RIMS2: variants seen among roughly 807,000 people sequenced by gnomAD.
RIMS2 encodes regulating synaptic membrane exocytosis 2.
A neutral mutation model predicts 174.4 loss-of-function variants in RIMS2; 59 were observed. The ratio of observed to expected loss-of-function variants is 0.34; its 90% CI spans 0.27 to 0.42. The LOEUF (loss-of-function observed/expected upper bound fraction) is 0.42. RIMS2 is among the 10% of genes least tolerant of loss of function. The probability of loss-of-function intolerance (pLI) is 1.00; values close to 1 mark genes in which losing one functional copy is unlikely to be tolerated. For synonymous variants in RIMS2, 606 were observed against 572.5 expected (o/e 1.06, Z -0.84); for missense variants, 1,620 against 1,666.3 (o/e 0.97, Z 0.48).
chr8:103,608,032 C>T lies in RIMS2; in HGVS notation c.177-89054C>T, dbSNP rs868149616. Among the ~76,000 whole-genome samples the T allele has an allele frequency of 6.7e-5, 10 of 148,238 alleles. 1 individual carries two copies. Among genetic ancestry groups the T allele is most frequent in the East Asian group, 1.9e-4 (1 of 5,192 alleles). On this transcript the variant is annotated intron_variant, in intron 1 of 23. Transcript: ENST00000504942. ...AGTCATTCTCCATCCAGCTTTGTTC[C>T]GTTGCTGGTGAGGAACTGCATTCCT...
intron 19 of RIMS2, among the ~76,000 whole-genome samples, chr8:104,077,484 A>T (rs1320481827): frequency 4.0e-5 from 6 of 151,678 alleles, no homozygotes; most frequent in African/African-American, 1.5e-4. Flanking sequence ...TTGCAAATCT[A>T]TTCAAATTTT....
intron 19 of RIMS2, among the ~76,000 whole-genome samples, chr8:104,155,659 C>T (rs1467850334): frequency 3.3e-5 from 5 of 151,744 alleles, no homozygotes; most frequent in South Asian, 2.1e-4. Context: ...GTGATCCACC[C>T]GCCTCGGCCT....
chr8:103,619,093 G>GAA lies in RIMS2; in HGVS notation c.177-77976_177-77975dup, dbSNP rs56210078. ...TGAGTCAATAACTTCACTTTTTGCTGAAAAAAAAAAAAAAAAAACCAATAT... is the reference window on the plus strand; with the variant it reads ...TGAGTCAATAACTTCACTTTTTGCTGAAAAAAAAAAAAAAAAAAAACCAATAT... On this transcript the variant is annotated intron_variant, in intron 1 of 23. Transcript: ENST00000504942. Among the ~76,000 whole-genome samples the GAA allele has an allele frequency of 1.5e-3, 157 of 107,160 alleles. 1 individual carries two copies. Among genetic ancestry groups the GAA allele is most frequent in the Middle Eastern group, 5.5e-3 (1 of 182 alleles). The allele number at this position is 107,160 out of a possible 152,430, so 70.3% of individuals were successfully genotyped here. A position where few individuals can be genotyped will look rare whatever the true frequency, so the allele number is the denominator to read the frequency against.
At chr8:104,136,963 A>T (rs778455471) in intron 19 of RIMS2, among the ~76,000 whole-genome samples, 1 of 152,196 alleles carries the variant, frequency 6.6e-6, no homozygotes, top group East Asian at 1.9e-4. Context: ...AAAAAATTCA[A>T]TTGTACTCAT....
intron 19 of RIMS2, among the ~76,000 whole-genome samples, chr8:104,095,748 A>G (rs1168586309): frequency 6.6e-6 from 1 of 152,120 alleles, no homozygotes; most frequent in Non-Finnish European, 1.5e-5. Context: ...AGCCTGCTCA[A>G]TAAAAGCACG....
chr8:103,917,904 G>A (rs537195385), intron 8 of RIMS2, among the ~76,000 whole-genome samples: 3 of 152,182 alleles, frequency 2.0e-5, no homozygotes, highest in East Asian at 3.9e-4. Flanking sequence ...AGAAAGTGGA[G>A]GTTGCAGTGA....
chr8:103,682,764 A>G (rs2096895749), intron 1 of RIMS2, among the ~76,000 whole-genome samples: 1 of 152,100 alleles, frequency 6.6e-6, no homozygotes. Flanking sequence ...TAAGGTAAAT[A>G]CTGTTTCTTA....
chr8:103,764,540 T>C (rs1365004008), intron 2 of RIMS2, among the ~76,000 whole-genome samples: 1 of 152,208 alleles, frequency 6.6e-6, no homozygotes, highest in Admixed American at 6.5e-5. Flanking sequence ...AGACTGTTGA[T>C]GGGTTAGATA....
chr8:103,693,199 A>G (rs918724192), intron 1 of RIMS2, among the ~76,000 whole-genome samples: 1 of 151,166 alleles, frequency 6.6e-6, no homozygotes, highest in African/African-American at 2.4e-5. Context: ...CAATTACTAA[A>G]CTCTCCCTTC....
chr8:103,961,046 G>T lies in RIMS2; in HGVS notation c.2702-19G>T. 1 of 1,253,214 alleles carries T rather than the reference G, an allele frequency of 8.0e-7. No homozygotes were observed. Among genetic ancestry groups the T allele is most frequent in the Non-Finnish European group, 1.2e-6 (1 of 855,740 alleles). The allele number at this position is 1,253,214 out of a possible 1,614,324, so 77.6% of individuals were successfully genotyped here. Reference sequence around the variant, plus strand: ...TAGAGAATCAGAATTTTTAATTATTGCTATTGTTTACTTTATAGGGTCAAA... The same window carrying T: ...TAGAGAATCAGAATTTTTAATTATTTCTATTGTTTACTTTATAGGGTCAAA... On this transcript the variant is annotated intron_variant, in intron 14 of 23. Transcript: ENST00000504942.
At chr8:103,976,422 A>G (rs1412249019) in intron 16 of RIMS2, 1 of 152,206 alleles carries the variant, frequency 6.6e-6, no homozygotes, top group Admixed American at 6.5e-5. Flanking sequence ...GAACCAACTA[A>G]TTATACTCAT....
At chr8:103,750,585 C>G (rs941323538) in intron 2 of RIMS2, among the ~76,000 whole-genome samples, 1 of 152,034 alleles carries the variant, frequency 6.6e-6, no homozygotes, top group African/African-American at 2.4e-5. Context: ...TAATAATCCC[C>G]ACGTGTCAAG....
At chr8:103,947,732 G>C (rs1023873796) in intron 14 of RIMS2, among the ~76,000 whole-genome samples, 1 of 152,096 alleles carries the variant, frequency 6.6e-6, no homozygotes, top group African/African-American at 2.4e-5. Flanking sequence ...GGACATTACT[G>C]TATACTATAG....
chr8:103,600,501 C>T (rs2094683872), intron 1 of RIMS2, among the ~76,000 whole-genome samples: 1 of 152,098 alleles, frequency 6.6e-6, no homozygotes, highest in African/African-American at 2.4e-5. Context: ...GAACTCCTGA[C>T]CTCAAGTGAT....
At chr8:103,601,235 TTTGCTTTGGTTGCCCATGCTTATGGTGC>T (rs2094722150) in intron 1 of RIMS2, among the ~76,000 whole-genome samples, 1 of 152,222 alleles carries the variant, frequency 6.6e-6, no homozygotes, top group Non-Finnish European at 1.5e-5. Flanking sequence ...TTTGTCCATT[TTTGCTTTGGTTGCCCATGCTTATGGTGC>T]ATTGTTGAAG....
At chr8:103,824,490 A>G (rs1029911146) in intron 3 of RIMS2, among the ~76,000 whole-genome samples, 4 of 152,222 alleles carry the variant, frequency 2.6e-5, no homozygotes, top group African/African-American at 7.2e-5. Flanking sequence ...AGTATTTTAG[A>G]AAAATGTGTG....
At chr8:103,729,472 T>A (rs915177833) in intron 2 of RIMS2, among the ~76,000 whole-genome samples, 14 of 152,126 alleles carry the variant, frequency 9.2e-5, no homozygotes, top group African/African-American at 3.1e-4. Context: ...TCTTTTTTTC[T>A]TAGTCTGGCT....
chr8:103,604,568 C>T (rs12114026), intron 1 of RIMS2, among the ~76,000 whole-genome samples: 1 of 150,606 alleles, frequency 6.6e-6, no homozygotes, highest in Non-Finnish European at 1.5e-5. Context: ...GGATGGCATT[C>T]AATCTGTAAA....
intron 19 of RIMS2, among the ~76,000 whole-genome samples, chr8:104,169,304 C>CTATATATATATATATA (rs751636552): frequency 2.3e-4 from 20 of 87,540 alleles, no homozygotes; most frequent in African/African-American, 3.1e-4. Context: ...TTGTTGTTGG[C>CTATATATATATATATA]TATATATATA....
Sources: allele counts gnomAD v4.1 joint callset (sites outside exome capture counted in the v4.1 genomes callset), GRCh38; gene constraint gnomAD v4.1.1; transcripts MANE v1.5; gene names NCBI Gene and HGNC (gene_info 2026-07-23, HGNC 2026-07-21).